The following RPL29 variants were observed in gnomAD, a reference collection of about 807,000 sequenced individuals.
The protein encoded by RPL29 is ribosomal protein L29.
Under a neutral mutation model 7.2 loss-of-function variants are expected in RPL29, and 4 were observed. The ratio of observed to expected loss-of-function variants is 0.55; its 90% confidence interval spans 0.27 to 1.26. The LOEUF is 1.26. Among genes scored for constraint, RPL29 ranks in the 50% most tolerant of loss-of-function variants. RPL29 has a pLI of 0.11. For missense variants in RPL29, 148 were observed against 209.1 expected (o/e 0.71, Z 1.80); for synonymous variants, 73 against 72.8 (o/e 1.00, Z -0.01).
In RPL29 at chr3:51,993,749, C is replaced by T. The variant is rs762780138; in HGVS notation, c.480G>A (p.Ter160=). The T allele has an allele frequency of 1.1e-5, 18 of 1,583,532 alleles. No homozygotes were observed. The Admixed American group carries it at 2.4e-4, about 21-fold the overall frequency. ...RTQAPTKASE[*] ...TCTGTCCTCATGTTGGCAGAGATAT[C>T]TACTCTGAAGCCTTTGTAGGGGCCT... The change falls in exon 4 of 4, where the codon TAG becomes TAA. Residue 160 remains the stop codon, a stop_retained_variant. Transcript: ENST00000294189.
In RPL29 at chr3:51,995,283, C is replaced by T. The variant is rs549938327; in HGVS notation, c.37+142G>A. 20 of 1,057,086 alleles carry T rather than the reference C, an allele frequency of 1.9e-5. 1 individual carries two copies. The highest frequency in any genetic ancestry group is 1.6e-4 in the African/African-American group (10 of 63,684). The allele number at this position is 1,057,086 out of a possible 1,614,324, so 65.5% of individuals were successfully genotyped here. On this transcript the variant is annotated intron_variant, in intron 2 of 3. Transcript: ENST00000294189. ...TCTGTATCTCAAGTAGATCTCTAAA[C>T]CTATAAACCCTAAAGTTATTACTGG...
Position 51,995,447 on chromosome 3 carries a change from C to T in RPL29, c.15G>A (p.Lys5=). 6.2e-7 allele frequency: 1 copy of T among 1,614,116 alleles called. No individual in the cohort carries two copies. Among genetic ancestry groups the T allele is most frequent in the Non-Finnish European group, 8.5e-7 (1 of 1,180,036 alleles). ...TACACTGGTTGTGTGTGGTGTGGTTCTTGGACTTGGCCATGTCTGCACCTG... is the reference window on the plus strand; with the variant it reads ...TACACTGGTTGTGTGTGGTGTGGTTTTTGGACTTGGCCATGTCTGCACCTG... MAKS[K]NHTTHNQSRK... is the part of the protein sequence containing the mutation. The change falls in exon 2 of 4, where the codon AAG becomes AAA. Residue 5 remains lysine (K), a synonymous_variant. Coordinates refer to ENST00000294189, the MANE Select transcript of RPL29 (RefSeq NM_000992.3).
Position 51,995,410 on chromosome 3 carries a change from G to T in RPL29, c.37+15C>A. The T allele has an allele frequency of 1.9e-6, 3 of 1,614,092 alleles. No individual in the cohort carries two copies. The highest frequency in any genetic ancestry group is 1.7e-6 in the Non-Finnish European group (2 of 1,179,956). On this transcript the variant is annotated intron_variant, in intron 2 of 3. Transcript: ENST00000294189. ...TGCCAGGGTCTGGGATGTAGGCAGGGCCCAAAAAACTTACACTGGTTGTGT... is the reference window on the plus strand; with the variant it reads ...TGCCAGGGTCTGGGATGTAGGCAGGTCCCAAAAAACTTACACTGGTTGTGT...
At chr3:51,994,200 G>T in intron 3 of RPL29, 74 bp from the exon 4 acceptor site, 1 of 1,495,708 alleles carries the variant, frequency 6.7e-7, no homozygotes. Flanking sequence ...CTCCATAGGG[G>T]TACCCAGCAT....
intron 2 of RPL29, 103 bp from the exon 3 acceptor site, chr3:51,995,209 G>A (rs1429114010): frequency 8.3e-6 from 9 of 1,086,006 alleles, no homozygotes; most frequent in Non-Finnish European, 1.2e-5. Context: ...ACTTCCTACA[G>A]CAGCTACACT....
At chr3:51,994,435 A>T (rs1296592533) in intron 3 of RPL29, 1 of 375,740 alleles carries the variant, frequency 2.7e-6, no homozygotes, top group African/African-American at 2.0e-5. Context: ...TTTTCCTGAC[A>T]TCCCCTCAGG....
chr3:51,993,717 C>T lies in RPL29; in HGVS notation c.*32G>A, dbSNP rs923187453. On this transcript the variant is annotated 3_prime_UTR_variant, in exon 4 of 4. Coordinates refer to ENST00000294189, the MANE Select transcript of RPL29 (RefSeq NM_000992.3). ...CAGGGGCGGGGGTGGGGGGTCGCAC[C>T]AGTCCTTCTGTCCTCATGTTGGCAG... 1.9e-6 allele frequency: 3 copies of T among 1,545,054 alleles called. No individual in the cohort carries two copies. In the Admixed American group the frequency reaches 5.5e-5, roughly 28 times the overall value.
intron 3 of RPL29, chr3:51,994,694 C>A: frequency 1.6e-6 from 1 of 612,674 alleles, no homozygotes; most frequent in Non-Finnish European, 2.9e-6. Flanking sequence ...CCAACTCCAG[C>A]ACTGGGTCAG....
At chr3:51,995,388 C>T (rs1407749317) in intron 2 of RPL29, 37 bp downstream of exon 2, 1 of 1,612,914 alleles carries the variant, frequency 6.2e-7, no homozygotes, top group South Asian at 1.1e-5. Context: ...CAGTCCTTGC[C>T]AGGGTCTGGG....
intron 1 of RPL29, 45 bp downstream of exon 1, chr3:51,995,812 C>T: frequency 3.0e-6 from 1 of 330,232 alleles, no homozygotes; most frequent in Non-Finnish European, 5.7e-6. Context: ...CCGCCGCCAC[C>T]CGTAAGTCGC....
chr3:51,993,702 GGT>G lies in RPL29; in HGVS notation c.*45_*46del. ...ATGCAGATGGTAGCCCAGGGGCGGG[GGT>G]GGGGGGTCGCACCAGTCCTTCTGTC... On this transcript the variant is annotated 3_prime_UTR_variant, in exon 4 of 4. Coordinates refer to ENST00000294189, the MANE Select transcript of RPL29 (RefSeq NM_000992.3). 1 of 1,520,724 alleles carries G rather than the reference GGT, an allele frequency of 6.6e-7. No individual in the cohort carries two copies. Among genetic ancestry groups the G allele is most frequent in the South Asian group, 1.2e-5 (1 of 80,210 alleles). The allele number at this position is 1,520,724 out of a possible 1,614,324, so 94.2% of individuals were successfully genotyped here. A position where few individuals can be genotyped will look rare whatever the true frequency, so the allele number is the denominator to read the frequency against.
At chr3:51,995,574 C>G in intron 1 of RPL29, 105 bp from the exon 2 acceptor site, 1 of 1,086,990 alleles carries the variant, frequency 9.2e-7, no homozygotes, top group Admixed American at 1.8e-5. Context: ...AATGTGCAGC[C>G]TCCACGAGTC....
rs1441562991 is a variant in RPL29 at position 51,995,070 on chromosome 3, CG to C, written c.73del (p.Arg25AspfsTer16). On this transcript the variant is annotated frameshift_variant, in exon 3 of 4. Transcript: ENST00000294189. LOFTEE classifies it low-confidence loss of function (END_TRUNC). Reference protein sequence around the residue: ...KWHRNGIKKPRSQRYESLKGV... With the variant: ...KWHRNGIKKPXSQRYESLKGV... ...CTTAAGAGATTCGTATCTTTGTGAT[CG>C]GGGTTTCTTGATACCATTTCTGTGC... The C allele has an allele frequency of 3.1e-6, 5 of 1,611,938 alleles. No homozygotes were observed. The highest frequency in any genetic ancestry group is 4.2e-6 in the Non-Finnish European group (5 of 1,179,366).
chr3:51,995,190 A>G, intron 2 of RPL29, 84 bp from the exon 3 acceptor site: 2 of 1,242,812 alleles, frequency 1.6e-6, no homozygotes, highest in Non-Finnish European at 1.2e-6. Context: ...CAAGTCTGGG[A>G]GAACCAACAC....
Position 51,994,039 on chromosome 3 carries a change from C to G in RPL29, c.190G>C (p.Ala64Pro). 8.1e-6 allele frequency: 13 copies of G among 1,600,302 alleles called. No homozygotes were observed. The highest frequency in any genetic ancestry group is 1.1e-5 in the Non-Finnish European group (13 of 1,179,362). ...ATAGCCTCGGCACGTGCACTCATGGCCTTGGCATTGTTGGCCTGCATCTTC... is the reference window on the plus strand; with the variant it reads ...ATAGCCTCGGCACGTGCACTCATGGGCTTGGCATTGTTGGCCTGCATCTTC... The part of the protein sequence containing the change: ...LKKMQANNAK[A>P]MSARAEAIKA... Residue 64 changes from alanine (A) to proline (P), a missense_variant, in exon 4 of 4, where the codon GCC (alanine) becomes CCC (proline). Transcript: ENST00000294189.
rs764458055 is a variant in RPL29, at chr3:51,994,021, C to T, written c.208G>A (p.Glu70Lys). The change falls in exon 4 of 4, where the codon GAG (glutamate) becomes AAG (lysine). Residue 70 changes from glutamate (E) to lysine (K), a missense_variant. Coordinates refer to ENST00000294189, the MANE Select transcript of RPL29 (RefSeq NM_000992.3). ...NNAKAMSARA[E>K]AIKALVKPKE... ...GGCTTTACGAGGGCCTTGATAGCCT[C>T]GGCACGTGCACTCATGGCCTTGGCA... 6.9e-6 allele frequency: 11 copies of T among 1,599,020 alleles called. No homozygotes were observed. The South Asian group carries it at 8.8e-5, about 13-fold the overall frequency.
chr3:51,994,464 TAGA>T (rs10688523), intron 3 of RPL29: 12,253 of 336,224 alleles, frequency 0.036, 1,398 homozygotes, highest in African/African-American at 0.23. Context: ...CTCCCCTCTT[TAGA>T]AGAAGGTGTC....
At chr3:51,994,963 A>G (rs750324993) in intron 3 of RPL29, 79 bp downstream of exon 3, 1 of 1,281,744 alleles carries the variant, frequency 7.8e-7, no homozygotes, top group Non-Finnish European at 1.1e-6. Context: ...AGCCAAAGCT[A>G]GAGAAAAACT....
At chr3:51,994,946 A>C (rs1701295247) in intron 3 of RPL29, 96 bp downstream of exon 3, 1 of 1,085,782 alleles carries the variant, frequency 9.2e-7, no homozygotes, top group South Asian at 1.2e-5. Flanking sequence ...GGCTGTGCTC[A>C]GGCAGAAGCC....
Sources: allele counts gnomAD v4.1 joint callset, GRCh38; gene constraint gnomAD v4.1.1; transcripts MANE v1.5; gene names NCBI Gene and HGNC (gene_info 2026-07-23, HGNC 2026-07-21).